Variants in CTNNA3 observed in about 807,000 individuals in gnomAD.
The protein encoded by CTNNA3 is catenin alpha 3, also known as catenin alpha-3.
CTNNA3 carries 76 observed loss-of-function variants against 95.7 expected under a neutral mutation model. That is an observed-to-expected ratio of 0.79 (90% CI 0.66 to 0.96). CTNNA3 has a LOEUF of 0.96. Among genes scored for constraint, CTNNA3 ranks in the 40% least tolerant of loss-of-function variants. CTNNA3 has a pLI of 0.00. For missense variants in CTNNA3, 1,191 were observed against 1,089.8 expected, an observed-to-expected ratio of 1.09 and a Z score of -1.31; for synonymous variants, 431 against 374.4, an observed-to-expected ratio of 1.15 and a Z score of -1.74.
chr10:66,230,057 A>T (rs989086110), intron 13 of CTNNA3, among the ~76,000 whole-genome samples: 9 of 151,882 alleles, frequency 5.9e-5, no homozygotes, highest in Admixed American at 3.9e-4. Flanking sequence ...GAATTTTTCA[A>T]TTTCAAGATT....
chr10:66,253,156 C>T (rs1181678183), intron 13 of CTNNA3, among the ~76,000 whole-genome samples: 3 of 152,192 alleles, frequency 2.0e-5, no homozygotes, highest in African/African-American at 7.2e-5. Flanking sequence ...CCTTTGTCAT[C>T]TGATGTAGAC....
chr10:66,073,912 G>A (rs2080493765), intron 14 of CTNNA3, among the ~76,000 whole-genome samples: 1 of 151,924 alleles, frequency 6.6e-6, no homozygotes, highest in Non-Finnish European at 1.5e-5. Flanking sequence ...CAGTTGGAAC[G>A]ATTTTCACAA....
chr10:65,966,560 C>G lies in CTNNA3; in HGVS notation c.2400+52G>C, dbSNP rs1335741537. The G allele has an allele frequency of 4.0e-5, 60 of 1,511,230 alleles. No individual in the cohort carries two copies. In the South Asian group the frequency reaches 7.6e-4, roughly 19 times the overall value. 93.6% of individuals were successfully genotyped at this position (1,511,230 alleles called of 1,614,324 possible). On this transcript the variant is annotated intron_variant, in intron 17 of 17. Transcript: ENST00000433211. ...TCATGTAAACAAGGGTGTAGTTACT[C>G]TGTTTCAAGCATCTTCCACCTGTGA...
chr10:67,741,728 C>G lies in CTNNA3; in HGVS notation c.-2+21706G>C, dbSNP rs185376245. On this transcript the variant is annotated intron_variant, in intron 1 of 17. Coordinates refer to the CTNNA3 transcript ENST00000684154. ...CAGACTGGCAAACTGGATAAAGAGT[C>G]AAGACCCATCAGTGTGCTGCATTCA... is the stretch of plus-strand genomic sequence containing the variant. Among the ~76,000 whole-genome samples the G allele has an allele frequency of 2.2e-4, 33 of 151,286 alleles. 1 individual carries two copies. The highest frequency in any genetic ancestry group is 1.5e-3 in the Admixed American group (23 of 15,104).
chr10:66,981,172 G>A (rs995594720), intron 7 of CTNNA3, among the ~76,000 whole-genome samples: 2 of 152,164 alleles, frequency 1.3e-5, no homozygotes, highest in African/African-American at 4.8e-5. Flanking sequence ...CCAAAGTGCT[G>A]GGATTACAGG....
chr10:67,391,526 C>G (rs1395560993), intron 5 of CTNNA3, among the ~76,000 whole-genome samples: 2 of 151,776 alleles, frequency 1.3e-5, no homozygotes, highest in East Asian at 3.9e-4. Flanking sequence ...GCTACCAATG[C>G]CTTTCTTCAC....
intron 7 of CTNNA3, among the ~76,000 whole-genome samples, chr10:67,011,769 T>C (rs973761007): frequency 6.6e-6 from 1 of 152,114 alleles, no homozygotes; most frequent in African/African-American, 2.4e-5. Context: ...AGGAGGTAGG[T>C]ATTATCATCA....
At chr10:65,948,643 T>G (rs1408904961) in intron 17 of CTNNA3, among the ~76,000 whole-genome samples, 2 of 152,200 alleles carry the variant, frequency 1.3e-5, no homozygotes, top group African/African-American at 4.8e-5. Flanking sequence ...AAGTTGAAAT[T>G]TAATGTAACT....
At chr10:67,740,604 A>G (rs1363363026) in intron 1 of CTNNA3, among the ~76,000 whole-genome samples, 3 of 151,462 alleles carry the variant, frequency 2.0e-5, no homozygotes, top group Non-Finnish European at 4.4e-5. Flanking sequence ...CAAAACCACA[A>G]TGAGATATCA....
At chr10:67,655,098 T>C (rs1306089361) in intron 1 of CTNNA3, among the ~76,000 whole-genome samples, 1 of 152,242 alleles carries the variant, frequency 6.6e-6, no homozygotes, top group African/African-American at 2.4e-5. Context: ...TCATCTCTAT[T>C]AACATGGTTC....
intron 3 of CTNNA3, among the ~76,000 whole-genome samples, chr10:67,574,397 T>A (rs1485897037): frequency 6.6e-6 from 1 of 152,074 alleles, no homozygotes; most frequent in Non-Finnish European, 1.5e-5. Flanking sequence ...TTATTTTTTG[T>A]TTTATTATTA....
At chr10:67,757,863 C>A (rs913601343) in intron 1 of CTNNA3, among the ~76,000 whole-genome samples, 1 of 152,106 alleles carries the variant, frequency 6.6e-6, no homozygotes, top group Non-Finnish European at 1.5e-5. Flanking sequence ...ATACGTCTAT[C>A]CTATTAGTTC....
chr10:65,945,416 C>T (rs1361426151), intron 17 of CTNNA3, among the ~76,000 whole-genome samples: 4 of 152,090 alleles, frequency 2.6e-5, no homozygotes, highest in South Asian at 2.1e-4. Context: ...TGATACTTCA[C>T]GAATTATAGG....
At chr10:65,954,512 G>A (rs552352898) in intron 17 of CTNNA3, among the ~76,000 whole-genome samples, 21 of 152,172 alleles carry the variant, frequency 1.4e-4, no homozygotes, top group Admixed American at 3.3e-4. Context: ...GAGTTTTTAC[G>A]GTTTTAGGTC....
intron 1 of CTNNA3, among the ~76,000 whole-genome samples, chr10:67,739,955 C>A (rs1476661017): frequency 2.0e-5 from 3 of 152,088 alleles, no homozygotes; most frequent in Non-Finnish European, 4.4e-5. Context: ...GGTACCAAAA[C>A]AGAGATATAG....
intron 1 of CTNNA3, among the ~76,000 whole-genome samples, chr10:67,726,524 T>TTA (rs1192085206): frequency 1.5e-5 from 1 of 66,832 alleles, no homozygotes; most frequent in Non-Finnish European, 2.5e-5. Flanking sequence ...TTATATTATA[T>TTA]TATATATATT....
chr10:67,554,142 C>A (rs1841142244), intron 3 of CTNNA3, among the ~76,000 whole-genome samples: 1 of 152,218 alleles, frequency 6.6e-6, no homozygotes. Flanking sequence ...GTCACATTTT[C>A]TTAATCCAGT....
rs10509286 is a variant in CTNNA3, at chr10:67,246,041, G to A, written c.580-26171C>T. Among the ~76,000 whole-genome samples, 2,366 of 152,172 alleles carry A rather than the reference G, an allele frequency of 0.016. 193 individuals carry two copies. The East Asian group carries it at 0.26, about 16-fold the overall frequency. ...TACTTAGGTCATCTTTCATGTTTGC[G>A]AGAATTCATATAGAAAGCTTCTGAA... On this transcript the variant is annotated intron_variant, in intron 5 of 17. Transcript: ENST00000433211.
intron 7 of CTNNA3, among the ~76,000 whole-genome samples, chr10:66,782,061 A>G (rs915553138): frequency 6.6e-6 from 1 of 152,174 alleles, no homozygotes; most frequent in South Asian, 2.1e-4. Context: ...TGAGCAGAAT[A>G]TAAGTTTGTG....
Sources: gnomAD v4.1 joint callset for allele counts (sites outside exome capture counted in the v4.1 genomes callset) on GRCh38, gnomAD v4.1.1 for gene constraint, MANE v1.5 for transcripts, NCBI Gene and HGNC (gene_info 2026-07-23, HGNC 2026-07-21) for gene names.